GPX4: variants seen among roughly 807,000 people sequenced by gnomAD.
The protein encoded by GPX4 is phospholipid hydroperoxide glutathione peroxidase GPX4.
Under a neutral mutation model 27.8 loss-of-function variants are expected in GPX4, and 28 were observed. The ratio of observed to expected loss-of-function variants is 1.01; its 90% CI spans 0.75 to 1.38. GPX4 has a LOEUF of 1.38. GPX4 is among the 40% of genes most tolerant of loss of function. The pLI, the probability that GPX4 is intolerant of heterozygous loss-of-function variation, is 0.00. For synonymous variants in GPX4, 163 were observed against 107.8 expected (o/e 1.51, Z -3.17); for missense variants, 357 against 274.1 (o/e 1.30, Z -2.14).
In GPX4 at chr19:1,105,436, G is replaced by C; in HGVS notation, c.250G>C (p.Val84Leu). The C allele has an allele frequency of 6.2e-7, 1 of 1,612,516 alleles. No individual in the cohort carries two copies. The highest frequency in any genetic ancestry group is 1.7e-4 in the Middle Eastern group (1 of 6,056). ...GACCGAAGTAAACTACACTCAGCTC[G>C]TCGACCTGCACGCCCGATACGCTGA... ...GKTEVNYTQL[V>L]DLHARYAECG... The change falls in exon 3 of 7, where the codon GTC (valine) becomes CTC (leucine). Residue 84 changes from valine to leucine, a missense_variant. By Grantham distance (32) the Val-to-Leu change is conservative. Coordinates refer to ENST00000354171, the MANE Select transcript of GPX4 (RefSeq NM_002085.5).
In GPX4 at chr19:1,105,811, T is replaced by G. The variant is rs1335670753; in HGVS notation, c.476+2T>G. ...CAAGGGCAAGGGCATCCTGGGAAAG[T>G]GCGTGACCTCTGGGGACAGTACGGC... On this transcript the variant is annotated splice_donor_variant, in intron 4 of 6. Coordinates refer to ENST00000354171, the MANE Select transcript of GPX4 (RefSeq NM_002085.5). LOFTEE classifies it high-confidence loss of function. The G allele has an allele frequency of 4.8e-6, 6 of 1,251,486 alleles. No individual in the cohort carries two copies. The African/African-American group carries it at 1.1e-4, about 23-fold the overall frequency. The allele number at this position is 1,251,486 out of a possible 1,614,324, so 77.5% of individuals were successfully genotyped here.
chr19:1,104,506 C>T, intron 1 of GPX4: 2 of 458,162 alleles, frequency 4.4e-6, no homozygotes, highest in Non-Finnish European at 6.0e-6. Context: ...CCGTTGAGGG[C>T]CACGGCGGGG....
At chr19:1,104,268 C>G in intron 1 of GPX4, 141 bp downstream of exon 1, 2 of 746,730 alleles carry the variant, frequency 2.7e-6, no homozygotes, top group East Asian at 3.4e-5. Context: ...CTCCCCACCC[C>G]CGGCCGGGCA....
At chr19:1,104,577 T>C (rs2079625269) in intron 1 of GPX4, 1 of 961,878 alleles carries the variant, frequency 1.0e-6, no homozygotes, top group Non-Finnish European at 1.2e-6. Context: ...GGGCTGGAAA[T>C]CCCGGATCAC....
At chr19:1,104,702 G>C (rs1305690465) in intron 1 of GPX4, 1 of 985,084 alleles carries the variant, frequency 1.0e-6, no homozygotes, top group Non-Finnish European at 1.2e-6. Context: ...CGCTCGGGGT[G>C]GGGGAGCCAG....
chr19:1,105,531 G>A, intron 3 of GPX4, 21 bp downstream of exon 3: 1 of 1,611,174 alleles, frequency 6.2e-7, no homozygotes, highest in South Asian at 1.1e-5. Flanking sequence ...GCGTCCCCGG[G>A]GCCCGCAGAG....
chr19:1,104,264 A>AC lies in GPX4; in HGVS notation c.84+142dup. ...GGGCGTCTGGGGGCTCCCCCTCCCC[A>AC]CCCCCGGCCGGGCACGGACGCGGGT... On this transcript the variant is annotated intron_variant, in intron 1 of 6. Coordinates refer to ENST00000354171, the MANE Select transcript of GPX4 (RefSeq NM_002085.5). 4.0e-6 allele frequency: 3 copies of AC among 759,492 alleles called. No individual in the cohort carries two copies. The East Asian group carries it at 1.0e-4, about 26-fold the overall frequency. The allele number at this position is 759,492 out of a possible 1,614,324, so 47.0% of individuals were successfully genotyped here. A position where few individuals can be genotyped will look rare whatever the true frequency, so the allele number is the denominator to read the frequency against.
At chr19:1,106,365 G>A (rs775503308) in intron 5 of GPX4, 35 bp from the exon 6 acceptor site, 1 of 1,613,254 alleles carries the variant, frequency 6.2e-7, no homozygotes, top group South Asian at 1.1e-5. Flanking sequence ...CCCTTGCAGG[G>A]GTGGCCCCAC....
Position 1,105,477 on chromosome 19 carries a change from C to T in GPX4, c.291C>T (p.Ile97=). Residue 97 remains isoleucine, a synonymous_variant, in exon 3 of 7, where the codon ATC becomes ATT. Transcript: ENST00000354171. Reference sequence around the variant, plus strand: ...GATACGCTGAGTGTGGTTTGCGGATCCTGGCCTTCCCGTGTAACCAGTTCG... The same window carrying T: ...GATACGCTGAGTGTGGTTTGCGGATTCTGGCCTTCCCGTGTAACCAGTTCG... ...HARYAECGLR[I]LAFPCNQFGK... The T allele has an allele frequency of 1.2e-6, 2 of 1,612,720 alleles. No individual in the cohort carries two copies. Among genetic ancestry groups the T allele is most frequent in the Non-Finnish European group, 8.5e-7 (1 of 1,179,856 alleles).
rs767480305 is a variant in GPX4, at chr19:1,106,539, G to A, written c.562-1G>A. 3.1e-6 allele frequency: 5 copies of A among 1,613,216 alleles called. No individual in the cohort carries two copies. The highest frequency in any genetic ancestry group is 1.3e-5 in the African/African-American group (1 of 74,870). On this transcript the variant is annotated splice_acceptor_variant, in intron 6 of 6. Transcript: ENST00000354171. LOFTEE classifies it high-confidence loss of function. ...CCTAACCCAGCTTTCCTCCCCGACA[G>A]GTGATAGAGAAGGACCTGCCCCACT...
chr19:1,104,027 C>T lies in GPX4; in HGVS notation c.-17C>T. 1 of 1,517,336 alleles carries T rather than the reference C, an allele frequency of 6.6e-7. No individual in the cohort carries two copies. The highest frequency in any genetic ancestry group is 8.8e-7 in the Non-Finnish European group (1 of 1,138,836). The allele number at this position is 1,517,336 out of a possible 1,614,324, so 94.0% of individuals were successfully genotyped here. A position where few individuals can be genotyped will look rare whatever the true frequency, so the allele number is the denominator to read the frequency against. On this transcript the variant is annotated 5_prime_UTR_variant, in exon 1 of 7. Transcript: ENST00000354171. The stretch of plus-strand genomic sequence containing the variant: ...GCTGGACGAGGGGAGGAGCCGCTGG[C>T]TCCCAGCCCCGCCGCGATGAGCCTC...
At position 1,106,562 on chromosome 19, in the gene GPX4, A is replaced by G. The variant is rs1400506915; in HGVS notation, c.584A>G (p.His195Arg). 1 of 1,613,136 alleles carries G rather than the reference A, an allele frequency of 6.2e-7. No homozygotes were observed. The highest frequency in any genetic ancestry group is 8.5e-7 in the Non-Finnish European group (1 of 1,179,830). The change falls in exon 7 of 7, where the codon CAC becomes CGC. Residue 195 changes from histidine (H) to arginine (R), a missense_variant. By Grantham distance (29) the His-to-Arg change is conservative. Transcript: ENST00000354171. ...EPLVIEKDLP[H>R]YF ...CAGGTGATAGAGAAGGACCTGCCCC[A>G]CTATTTCTAGCTCCACAAGTGTGTG...
chr19:1,105,981 A>G lies in GPX4; in HGVS notation c.476+172A>G, dbSNP rs1020856583. On this transcript the variant is annotated intron_variant, in intron 4 of 6. Transcript: ENST00000354171. ...GGGGTAAGATGGCTCAGGGGGACATAGAGGGCTGTGGAGGCAGCCAGGGAT... is the reference window on the plus strand; with the variant it reads ...GGGGTAAGATGGCTCAGGGGGACATGGAGGGCTGTGGAGGCAGCCAGGGAT... 88 of 807,804 alleles carry G rather than the reference A, an allele frequency of 1.1e-4. 3 individuals are homozygous for G. In the South Asian group the frequency reaches 1.3e-3, roughly 12 times the overall value. The allele number at this position is 807,804 out of a possible 1,614,324, so 50.0% of individuals were successfully genotyped here.
chr19:1,105,033 G>T, intron 1 of GPX4, 153 bp from the exon 2 acceptor site: 1 of 1,469,060 alleles, frequency 6.8e-7, no homozygotes, highest in East Asian at 2.5e-5. Context: ...GTACAAGGGG[G>T]CGTGTGCGTT....
At chr19:1,105,132 TCCCGGGCTC>T in intron 1 of GPX4, 45 bp from the exon 2 acceptor site, 1 of 1,595,376 alleles carries the variant, frequency 6.3e-7, no homozygotes, top group Non-Finnish European at 8.6e-7. Context: ...TGCCTCAGGG[TCCCGGGCTC>T]AGCCTCCCGT....
intron 1 of GPX4, 176 bp from the exon 2 acceptor site, chr19:1,105,010 A>T: frequency 6.8e-7 from 1 of 1,462,826 alleles, no homozygotes; most frequent in Non-Finnish European, 9.1e-7. Context: ...TCTCCGGTAA[A>T]ACCGGACCAG....
Position 1,105,282 on chromosome 19 carries a change from T to TGGGCGCTCGCCTG in GPX4, c.179+6_179+18dup. On this transcript the variant is annotated splice_region_variant and intron_variant, in intron 2 of 6. Transcript: ENST00000354171. ...CATGGTTAACCTGGACAAGTACCGG[T>TGGGCGCTCGCCTG]GGGCGCTCGCCTGGGGTGGGGCGCG... 1.9e-6 allele frequency: 3 copies of TGGGCGCTCGCCTG among 1,612,884 alleles called. No individual in the cohort carries two copies. The highest frequency in any genetic ancestry group is 2.5e-6 in the Non-Finnish European group (3 of 1,179,868).
chr19:1,105,055 A>G, intron 1 of GPX4, 131 bp from the exon 2 acceptor site: 1 of 1,472,902 alleles, frequency 6.8e-7, no homozygotes, highest in Non-Finnish European at 9.2e-7. Flanking sequence ...AAGGAGGAGG[A>G]GCGTTCAGGT....
Position 1,105,348 on chromosome 19 carries a change from C to G in GPX4, c.180-18C>G, listed in dbSNP as rs765611709. Reference sequence around the variant, plus strand: ...AGGGGGCCGTGTTCTTCTGCGCTGACGCCGCCGATCCTCGCAGGGGCTTCG... The same window carrying G: ...AGGGGGCCGTGTTCTTCTGCGCTGAGGCCGCCGATCCTCGCAGGGGCTTCG... On this transcript the variant is annotated intron_variant, in intron 2 of 6. Transcript: ENST00000354171. The G allele has an allele frequency of 1.2e-6, 2 of 1,611,544 alleles. No individual in the cohort carries two copies. The highest frequency in any genetic ancestry group is 1.7e-6 in the Non-Finnish European group (2 of 1,178,990).
Sources: gnomAD v4.1 joint callset for allele counts on GRCh38, gnomAD v4.1.1 for gene constraint, MANE v1.5 for transcripts, NCBI Gene and HGNC (gene_info 2026-07-23, HGNC 2026-07-21) for gene names.